Variants in HNRNPH1 observed in about 807,000 individuals in gnomAD.
HNRNPH1 encodes the protein heterogeneous nuclear ribonucleoprotein H.
In HNRNPH1, 4 loss-of-function variants were observed where a neutral mutation model predicts 58.6. The ratio of observed to expected loss-of-function variants is 0.07; its 90% CI spans 0.03 to 0.16. The LOEUF (loss-of-function observed/expected upper bound fraction) is 0.16. Among genes scored for constraint, HNRNPH1 ranks in the 10% least tolerant of loss-of-function variants. The probability of loss-of-function intolerance (pLI) is 1.00; values close to 1 mark genes in which losing one functional copy is unlikely to be tolerated. For synonymous variants in HNRNPH1, 192 were observed against 189.2 expected, an observed-to-expected ratio of 1.01 and a Z score of -0.12; for missense variants, 271 against 564.2, an observed-to-expected ratio of 0.48 and a Z score of 5.26.
chr5:179,623,248 C>T lies in HNRNPH1; in HGVS notation c.-115G>A, dbSNP rs188262796. The T allele has an allele frequency of 3.3e-3, 2,152 of 645,338 alleles. 62 individuals carry two copies. In the East Asian group the frequency reaches 0.063, roughly 19 times the overall value. The allele number at this position is 645,338 out of a possible 1,614,324, so 40.0% of individuals were successfully genotyped here. ...GGCGCGCCCGGGCCCGCACCGCCCC[C>T]CCACGGAGCAAAAACCGGGCGGATG... On this transcript the variant is annotated 5_prime_UTR_variant, in exon 1 of 13. Transcript: ENST00000356731.
upstream of HNRNPH1, among the ~76,000 whole-genome samples, chr5:179,627,795 G>A (rs1306408102): frequency 6.8e-6 from 1 of 147,402 alleles, no homozygotes; most frequent in East Asian, 2.0e-4. Context: ...GGTGGTGGGC[G>A]CCTGTAATCC....
At chr5:179,621,075 A>G in intron 2 of HNRNPH1, 40 bp from the exon 4 acceptor site, 1 of 1,603,394 alleles carries the variant, frequency 6.2e-7, no homozygotes, top group South Asian at 1.1e-5. Flanking sequence ...TTGGAAAATT[A>G]GATAACAAAG....
intron 2 of HNRNPH1, among the ~76,000 whole-genome samples, chr5:179,632,384 C>G (rs1774916057): frequency 6.6e-6 from 1 of 152,244 alleles, no homozygotes; most frequent in Non-Finnish European, 1.5e-5. Flanking sequence ...TCCCCCGCCG[C>G]GGCCAGGCAG....
At chr5:179,620,445 T>G (rs776714682) in intron 3 of HNRNPH1, among the ~76,000 whole-genome samples, 1 of 152,212 alleles carries the variant, frequency 6.6e-6, no homozygotes, top group Admixed American at 6.5e-5. Context: ...AAACCGACTT[T>G]TGCATTAAAG....
At chr5:179,627,145 G>C (rs1042294963), upstream of HNRNPH1, among the ~76,000 whole-genome samples, 6 of 152,140 alleles carry the variant, frequency 3.9e-5, no homozygotes, top group Non-Finnish European at 8.8e-5. Flanking sequence ...CCTTAGGATA[G>C]TTGCCCCAGA....
upstream of HNRNPH1, chr5:179,624,709 C>T (rs1162159228): frequency 2.5e-6 from 1 of 397,494 alleles, no homozygotes; most frequent in Non-Finnish European, 4.4e-6. Flanking sequence ...CAGGCCTCCC[C>T]ATGTCTGATT....
chr5:179,632,199 T>A (rs1260076469), intron 2 of HNRNPH1, among the ~76,000 whole-genome samples: 1 of 152,046 alleles, frequency 6.6e-6, no homozygotes, highest in African/African-American at 2.4e-5. Context: ...TCCCAGCTAC[T>A]TGGGAGGCTG....
At chr5:179,614,791 A>G (rs895884219) in exon 13 of HNRNPH1, 43 of 881,270 alleles carry the variant, frequency 4.9e-5, no homozygotes, top group African/African-American at 8.7e-5. Context: ...AAAGAAAAAA[A>G]AAAAAAAAAA....
At position 179,622,409 on chromosome 5, in the gene HNRNPH1, C is replaced by T. The variant is rs778711573; in HGVS notation, c.97+628G>A. 2.0e-5 allele frequency among the ~76,000 whole-genome samples: 3 copies of T among 152,200 alleles called. No individual in the cohort carries two copies. In the South Asian group the frequency reaches 6.2e-4, roughly 31 times the overall value. On this transcript the variant is annotated intron_variant, in intron 1 of 12. Transcript: ENST00000356731. The stretch of plus-strand genomic sequence containing the variant: ...GAAATCCCACCTATGCCAATTTATC[C>T]TTTCGAAAAAAGACACCCGGGCCAG...
rs968233792 is a variant in HNRNPH1, at chr5:179,623,202, T to C, written c.-69A>G. On this transcript the variant is annotated 5_prime_UTR_variant, in exon 1 of 13. Coordinates refer to ENST00000356731, the Ensembl canonical transcript of HNRNPH1. ...GAGGACCAGAACTGAGAGCGCCAAT[T>C]AAGCTGTCCTTCGCCTCCGAGGCGC... 3 of 1,178,066 alleles carry C rather than the reference T, an allele frequency of 2.5e-6. No individual in the cohort carries two copies. In the South Asian group the frequency reaches 3.6e-5, roughly 14 times the overall value. The allele number at this position is 1,178,066 out of a possible 1,614,324, so 73.0% of individuals were successfully genotyped here.
chr5:179,623,163 A>C, exon 1 of HNRNPH1: 1 of 1,527,362 alleles, frequency 6.5e-7, no homozygotes. Context: ...CGTCGAAACA[A>C]ACTGCAAAGC....
chr5:179,617,471 ACAAT>A (rs765480628), intron 8 of HNRNPH1, 39 bp downstream of exon 9: 4 of 1,593,274 alleles, frequency 2.5e-6, no homozygotes, highest in Non-Finnish European at 3.4e-6. Context: ...TGTTAGTCAC[ACAAT>A]CACCTGTTAA....
intron 2 of HNRNPH1, 27 bp from the exon 4 acceptor site, chr5:179,621,062 CTT>C: frequency 6.2e-7 from 1 of 1,608,932 alleles, no homozygotes; most frequent in Non-Finnish European, 8.5e-7. Context: ...GAATTAGTCA[CTT>C]TTGGAAAATT....
intron 11 of HNRNPH1, 130 bp from the exon 13 acceptor site, chr5:179,615,725 T>C (rs2127601407): frequency 3.6e-6 from 2 of 549,898 alleles, no homozygotes; most frequent in East Asian, 3.0e-5. Flanking sequence ...CCAACCACCA[T>C]TCTACTATTT....
exon 1 of HNRNPH1, chr5:179,623,365 G>C: frequency 2.8e-6 from 1 of 354,378 alleles, no homozygotes; most frequent in African/African-American, 2.1e-5. Flanking sequence ...CGAACCGTGG[G>C]GGCCCGGGCC....
exon 13 of HNRNPH1, chr5:179,614,262 T>C (rs1768356234): frequency 6.6e-6 from 1 of 152,314 alleles, no homozygotes; most frequent in African/African-American, 2.4e-5. Flanking sequence ...ATGAAAGATT[T>C]AAATCAAGGC....
intron 2 of HNRNPH1, among the ~76,000 whole-genome samples, chr5:179,630,517 T>C (rs1019811026): frequency 3.9e-5 from 6 of 152,190 alleles, no homozygotes; most frequent in African/African-American, 1.4e-4. Context: ...AAAAGAGTAA[T>C]TAAGAGAGCT....
rs146006097 is a variant in HNRNPH1, at chr5:179,621,512, A to G, written c.98-115T>C. The G allele has an allele frequency of 5.2e-4, 431 of 821,548 alleles. 3 individuals are homozygous for G. The African/African-American group carries it at 6.7e-3, about 13-fold the overall frequency. The allele number at this position is 821,548 out of a possible 1,614,324, so 50.9% of individuals were successfully genotyped here. A position where few individuals can be genotyped will look rare whatever the true frequency, so the allele number is the denominator to read the frequency against. On this transcript the variant is annotated intron_variant, in intron 1 of 12. Transcript: ENST00000356731. ...ACAAATTACATAACTTGTGAAGCCT[A>G]TATATACTGACCACGATATTACCAA...
chr5:179,627,116 CTTT>C, upstream of HNRNPH1, among the ~76,000 whole-genome samples: 1 of 152,128 alleles, frequency 6.6e-6, no homozygotes, highest in African/African-American at 2.4e-5. Context: ...TTACAGAGCT[CTTT>C]ATTAAGGCTG....
Sources: gnomAD v4.1 joint callset for allele counts (sites outside exome capture counted in the v4.1 genomes callset) on GRCh38, gnomAD v4.1.1 for gene constraint, MANE v1.5 for transcripts, NCBI Gene and HGNC (gene_info 2026-07-23, HGNC 2026-07-21) for gene names.